The following COL9A1 variants were observed in gnomAD, a reference collection of about 807,000 sequenced individuals.
COL9A1 encodes collagen alpha-1(IX) chain.
A neutral mutation model predicts 142.6 loss-of-function variants in COL9A1; 104 were observed. The ratio of observed to expected loss-of-function variants is 0.73; its 90% CI spans 0.62 to 0.86. COL9A1 has a LOEUF of 0.86. COL9A1 is among the 40% of genes least tolerant of loss of function. The pLI is 0.00. For missense variants in COL9A1, 1,210 were observed against 1,176.6 expected (o/e 1.03, Z -0.42); for synonymous variants, 466 against 396.0 (o/e 1.18, Z -2.10).
chr6:70,284,140 C>T (rs1361083696), intron 5 of COL9A1, among the ~76,000 whole-genome samples: 1 of 152,026 alleles, frequency 6.6e-6, no homozygotes, highest in Non-Finnish European at 1.5e-5. Flanking sequence ...GATGTAGATC[C>T]TACTAAAATG....
intron 33 of COL9A1, among the ~76,000 whole-genome samples, chr6:70,237,619 A>T (rs747886206): frequency 2.0e-5 from 3 of 152,208 alleles, no homozygotes; most frequent in Non-Finnish European, 2.9e-5. Context: ...TTCTTTTGTT[A>T]CAGCTTGAAT....
chr6:70,234,858 G>C lies in COL9A1; in HGVS notation c.2195C>G (p.Pro732Arg), dbSNP rs1423375525. ...TTCTCCCTGCACACCCCGGGGTCCA[G>C]GTGGTCCTCTTGGTCCTTCCACTCC... Reference protein sequence around the residue: ...LPGVEGPRGPPGPRGVQGEQG... With the variant: ...LPGVEGPRGPRGPRGVQGEQG... Residue 732 changes from proline to arginine, a missense_variant, in exon 34 of 38, where the codon CCT becomes CGT. Coordinates refer to ENST00000357250, the MANE Select transcript of COL9A1 (RefSeq NM_001851.6). 6.2e-7 allele frequency: 1 copy of C among 1,614,158 alleles called. No homozygotes were observed. Among genetic ancestry groups the C allele is most frequent in the Non-Finnish European group, 8.5e-7 (1 of 1,180,034 alleles).
At chr6:70,266,303 C>A (rs1772008026) in intron 18 of COL9A1, among the ~76,000 whole-genome samples, 1 of 110,060 alleles carries the variant, frequency 9.1e-6, no homozygotes. Flanking sequence ...AAGCTATAAG[C>A]CAATTACCAA....
At position 70,252,277 on chromosome 6, in the gene COL9A1, T is replaced by C. The variant is rs936178403; in HGVS notation, c.1803A>G (p.Gly601=). Residue 601 remains glycine, a synonymous_variant, in exon 27 of 38, where the codon GGA becomes GGG. Transcript: ENST00000357250. ...TGAPGKPGQM[G]NSGKPGQQGP... Reference sequence around the variant, plus strand: ...GGTGTCTTACCGGTTTGCCTGAATTTCCCATCTGACCAGGCTTCCCTGGAG... The same window carrying C: ...GGTGTCTTACCGGTTTGCCTGAATTCCCCATCTGACCAGGCTTCCCTGGAG... 1 of 1,614,208 alleles carries C rather than the reference T, an allele frequency of 6.2e-7. No homozygotes were observed. The highest frequency in any genetic ancestry group is 1.7e-5 in the Admixed American group (1 of 60,024).
Position 70,230,650 on chromosome 6 carries a change from C to CCAACCCAA in COL9A1, c.2503+1932_2503+1933insTTGGGTTG, listed in dbSNP as rs1423711368. On this transcript the variant is annotated intron_variant, in intron 36 of 37. Coordinates refer to ENST00000357250, the MANE Select transcript of COL9A1 (RefSeq NM_001851.6). The stretch of plus-strand genomic sequence containing the variant: ...CTAGAGCCAACCCAACCCAGCCTAG[C>CCAACCCAA]CACAATTCACTGTTGCTAAAGCTTC... Among the ~76,000 whole-genome samples the CCAACCCAA allele has an allele frequency of 4.6e-5, 7 of 152,206 alleles. 1 individual carries two copies. The highest frequency in any genetic ancestry group is 1.3e-4 in the Admixed American group (2 of 15,284).
chr6:70,226,977 C>A (rs78514844), intron 36 of COL9A1, among the ~76,000 whole-genome samples: 4,571 of 152,132 alleles, frequency 0.03, 230 homozygotes, highest in African/African-American at 0.1. Flanking sequence ...CCTGAATACT[C>A]AGACCAGTGA....
At chr6:70,302,601 G>A (rs915857203) in intron 1 of COL9A1, among the ~76,000 whole-genome samples, 18 of 151,952 alleles carry the variant, frequency 1.2e-4, no homozygotes, top group Admixed American at 1.1e-3. Context: ...CACCTTCTCG[G>A]TATCTACCTA....
intron 10 of COL9A1, among the ~76,000 whole-genome samples, chr6:70,279,090 T>C (rs1222930365): frequency 2.6e-5 from 4 of 152,200 alleles, no homozygotes; most frequent in Non-Finnish European, 5.9e-5. Context: ...ACCAAAATAA[T>C]TTTTTTAATT....
At chr6:70,260,008 C>T (rs1427340728) in intron 20 of COL9A1, among the ~76,000 whole-genome samples, 1 of 152,128 alleles carries the variant, frequency 6.6e-6, no homozygotes, top group African/African-American at 2.4e-5. Flanking sequence ...CTTTTCCATC[C>T]TCCCTGTCTT....
At position 70,294,179 on chromosome 6, in the gene COL9A1, T is replaced by G; in HGVS notation, c.684A>C (p.Gln228His). 1.2e-6 allele frequency: 2 copies of G among 1,614,058 alleles called. No homozygotes were observed. The highest frequency in any genetic ancestry group is 2.2e-5 in the South Asian group (2 of 91,086). Residue 228 changes from glutamine (Q) to histidine (H), a missense_variant, in exon 5 of 38, where the codon CAA (glutamine) becomes CAC (histidine). Gln to His is a conservative substitution (Grantham distance 24). Transcript: ENST00000357250. ...GTTTTATACTTACTGGAACAGAAAC[T>G]TGAGGATTATCTGCAAGTTTTCCCA... Reference protein sequence around the residue: ...AVLGKLADNPQVSVPFELQWM... With the variant: ...AVLGKLADNPHVSVPFELQWM...
chr6:70,238,113 G>A (rs912349570), intron 33 of COL9A1, among the ~76,000 whole-genome samples: 5 of 152,240 alleles, frequency 3.3e-5, no homozygotes, highest in Non-Finnish European at 7.3e-5. Context: ...GTTTTAAACA[G>A]AGGAGGGATA....
intron 36 of COL9A1, among the ~76,000 whole-genome samples, chr6:70,227,500 G>A (rs13201233): frequency 2.2e-5 from 3 of 139,032 alleles, no homozygotes; most frequent in African/African-American, 8.4e-5. Context: ...TTCAATTAAA[G>A]ATATACTAGC....
chr6:70,225,028 G>T (rs765998639), intron 37 of COL9A1, among the ~76,000 whole-genome samples: 2 of 152,178 alleles, frequency 1.3e-5, no homozygotes, highest in African/African-American at 2.4e-5. Flanking sequence ...TTAGAAAATT[G>T]TAATTTCTTT....
chr6:70,232,823 T>C (rs749231567), intron 35 of COL9A1, 52 bp from the exon 36 acceptor site: 2 of 1,544,972 alleles, frequency 1.3e-6, no homozygotes, highest in Non-Finnish European at 1.8e-6. Context: ...ATAAAAGTTA[T>C]TCTAATGAAA....
chr6:70,297,333 T>C (rs1440326890), intron 4 of COL9A1, among the ~76,000 whole-genome samples: 1 of 152,146 alleles, frequency 6.6e-6, no homozygotes, highest in East Asian at 1.9e-4. Context: ...AGATAATATA[T>C]GTGTGTGAAT....
At chr6:70,276,748 G>A (rs1226629485) in intron 10 of COL9A1, among the ~76,000 whole-genome samples, 1 of 152,148 alleles carries the variant, frequency 6.6e-6, no homozygotes, top group African/African-American at 2.4e-5. Flanking sequence ...ATAAGTTTAA[G>A]GAGGCCTTCC....
chr6:70,302,916 G>A lies in COL9A1; in HGVS notation c.9C>T (p.Thr3=). ...TTCCAGGGTTATTGTCTTACCAGCA[G>A]GTCTTCATTTTCCCAGTTGATTTTC... MK[T]CWKIPVFFFV... The change falls in exon 1 of 38, where the codon ACC becomes ACT. Residue 3 remains threonine (T), a synonymous_variant. Coordinates refer to ENST00000357250, the MANE Select transcript of COL9A1 (RefSeq NM_001851.6). 2 of 1,613,998 alleles carry A rather than the reference G, an allele frequency of 1.2e-6. No individual in the cohort carries two copies. Among genetic ancestry groups the A allele is most frequent in the Non-Finnish European group, 8.5e-7 (1 of 1,179,956 alleles).
At chr6:70,295,453 A>AT (rs549881065) in intron 4 of COL9A1, among the ~76,000 whole-genome samples, 98 of 151,598 alleles carry the variant, frequency 6.5e-4, no homozygotes, top group African/African-American at 2.3e-3. Flanking sequence ...TGCCTGGCTA[A>AT]TTTTTTGTAT....
rs1773942172 is a variant in COL9A1 at position 70,298,715 on chromosome 6, A to G, written c.299+1328T>C. ...CCTTAGAAGAGAAAATCAGGTCAGCACTGAGGACCTCATGTTTTGCTTAAT... is the reference window on the plus strand; with the variant it reads ...CCTTAGAAGAGAAAATCAGGTCAGCGCTGAGGACCTCATGTTTTGCTTAAT... On this transcript the variant is annotated intron_variant, in intron 4 of 37. Transcript: ENST00000357250. 2.0e-5 allele frequency among the ~76,000 whole-genome samples: 3 copies of G among 152,230 alleles called. No homozygotes were observed. The South Asian group carries it at 6.2e-4, about 32-fold the overall frequency.
Sources: gnomAD v4.1 joint callset for allele counts (sites outside exome capture counted in the v4.1 genomes callset) on GRCh38, gnomAD v4.1.1 for gene constraint, MANE v1.5 for transcripts, NCBI Gene and HGNC (gene_info 2026-07-23, HGNC 2026-07-21) for gene names.